FAT2: variants seen among roughly 807,000 people sequenced by gnomAD.
The protein encoded by FAT2 is FAT atypical cadherin 2.
A neutral mutation model predicts 295.3 loss-of-function variants in FAT2; 150 were observed. The observed-to-expected ratio is 0.51, with a 90% CI of 0.44 to 0.58. FAT2 has a LOEUF of 0.58. Ranked by LOEUF, FAT2 falls within the 20% of genes least tolerant of loss-of-function variation. FAT2 has a pLI of 0.00. For synonymous variants in FAT2, 2,026 were observed against 2,150.3 expected (o/e 0.94, Z 1.60); for missense variants, 4,868 against 5,442.7 (o/e 0.89, Z 3.32).
chr5:151,554,050 A>C (rs1347682525), intron 5 of FAT2, among the ~76,000 whole-genome samples: 1 of 152,262 alleles, frequency 6.6e-6, no homozygotes, highest in East Asian at 1.9e-4. Context: ...AACATCACAC[A>C]GGTGTAAAAT....
At position 151,529,382 on chromosome 5, in the gene FAT2, A is replaced by C; in HGVS notation, c.9822T>G (p.Tyr3274Ter). The change falls in exon 15 of 24, where the codon TAT (tyrosine) becomes TAG (stop). Residue 3274 changes from tyrosine (Y) to a stop codon, truncating the protein, a stop_gained. Transcript: ENST00000261800. LOFTEE classifies it high-confidence loss of function. Reference sequence around the variant, plus strand: ...TCTCAAAGTCCAGGCTTGCGTTGACATACAGGATCCCTGAAGAAGCAAGAG... The same window carrying C: ...TCTCAAAGTCCAGGCTTGCGTTGACCTACAGGATCCCTGAAGAAGCAAGAG... The part of the protein sequence containing the change: ...FRLDARTGIL[Y>*]VNASLDFETS... 2 of 1,613,768 alleles carry C rather than the reference A, an allele frequency of 1.2e-6. No individual in the cohort carries two copies. The highest frequency in any genetic ancestry group is 1.7e-6 in the Non-Finnish European group (2 of 1,179,972).
At chr5:151,557,802 G>C (rs1310549674) in intron 3 of FAT2, among the ~76,000 whole-genome samples, 1 of 152,190 alleles carries the variant, frequency 6.6e-6, no homozygotes, top group East Asian at 1.9e-4. Flanking sequence ...GATAGGAATG[G>C]GTTAGGGGTC....
Position 151,512,102 on chromosome 5 carries a change from T to C in FAT2, c.11905+63A>G, listed in dbSNP as rs6862750. The C allele has an allele frequency of 0.74, 1,109,697 of 1,505,156 alleles. 411,572 individuals are homozygous for C. The highest frequency in any genetic ancestry group is 0.95 in the East Asian group (41,565 of 43,812). 93.2% of individuals were successfully genotyped at this position (1,505,156 alleles called of 1,614,324 possible). ...CTCTGAGATCTCCACCCTGACATGC[T>C]TTTCCCACCTGAAGAGCCTTCTGGG... On this transcript the variant is annotated intron_variant, in intron 21 of 23. Coordinates refer to ENST00000261800, the MANE Select transcript of FAT2 (RefSeq NM_001447.3). The surrounding 1 kb of genome is among the most constrained non-coding windows in gnomAD (Gnocchi z 4.1).
chr5:151,561,353 A>G (rs1300332968), intron 3 of FAT2, among the ~76,000 whole-genome samples: 3 of 152,040 alleles, frequency 2.0e-5, no homozygotes, highest in African/African-American at 7.3e-5. Flanking sequence ...CAGACCAGGC[A>G]TGACTTTGTA....
intron 13 of FAT2, among the ~76,000 whole-genome samples, chr5:151,533,475 G>A (rs143819812): frequency 6.6e-6 from 1 of 150,746 alleles, no homozygotes; most frequent in East Asian, 2.0e-4. Flanking sequence ...TGTGTTGACT[G>A]TTTGCCCTCC....
intron 1 of FAT2, among the ~76,000 whole-genome samples, chr5:151,582,115 TG>T (rs1355730014): frequency 6.6e-6 from 1 of 152,230 alleles, no homozygotes; most frequent in East Asian, 1.9e-4. Flanking sequence ...CTGAGCTGGC[TG>T]AACCTGACTG....
At position 151,512,705 on chromosome 5, in the gene FAT2, G is replaced by C. The variant is rs1392812318; in HGVS notation, c.11464-99C>G. The C allele has an allele frequency of 3.5e-6, 4 of 1,130,032 alleles. No individual in the cohort carries two copies. The highest frequency in any genetic ancestry group is 1.6e-5 in the African/African-American group (1 of 63,646). The allele number at this position is 1,130,032 out of a possible 1,614,324, so 70.0% of individuals were successfully genotyped here. ...AAAGAATGTTGTTTGTATTTTTATGGGTAGGAGGGGGGTGTTTGGCTGTTT... is the reference window on the plus strand; with the variant it reads ...AAAGAATGTTGTTTGTATTTTTATGCGTAGGAGGGGGGTGTTTGGCTGTTT... On this transcript the variant is annotated intron_variant, in intron 20 of 23. Transcript: ENST00000261800. This position sits in a 1 kb window ranked among gnomAD's most constrained non-coding sequence, Gnocchi z 4.1.
intron 19 of FAT2, 50 bp downstream of exon 19, chr5:151,521,226 G>T: frequency 1.3e-6 from 2 of 1,532,522 alleles, no homozygotes; most frequent in South Asian, 2.5e-5. Flanking sequence ...AGAGTCAGGC[G>T]GGCTGAGCCC....
At chr5:151,546,937 C>T (rs1490804084) in intron 9 of FAT2, among the ~76,000 whole-genome samples, 1 of 152,136 alleles carries the variant, frequency 6.6e-6, no homozygotes, top group Non-Finnish European at 1.5e-5. Flanking sequence ...TCTCAAGGCT[C>T]CTGAGCAAAT....
At chr5:151,516,629 ATTATGTTTATGT>A (rs1752898129) in intron 20 of FAT2, among the ~76,000 whole-genome samples, 2 of 152,176 alleles carry the variant, frequency 1.3e-5, no homozygotes, top group South Asian at 4.1e-4. Flanking sequence ...TTTCTGAGCT[ATTATGTTTATGT>A]TTATTGTCAG....
Position 151,531,018 on chromosome 5 carries a change from T to C in FAT2, c.9811+569A>G, listed in dbSNP as rs2127590266. ...AATCTGTGTGAGACACAGGCTGACC[T>C]GGGTGGCCTCTGAGGCCCTTCGGTG... On this transcript the variant is annotated intron_variant, in intron 14 of 23. Transcript: ENST00000261800. This position sits in a 1 kb window ranked among gnomAD's most constrained non-coding sequence, Gnocchi z 5.7. Among the ~76,000 whole-genome samples the C allele has an allele frequency of 6.6e-6, 1 of 152,328 alleles. No individual in the cohort carries two copies. The highest frequency in any genetic ancestry group is 1.9e-4 in the East Asian group (1 of 5,188).
intron 3 of FAT2, among the ~76,000 whole-genome samples, chr5:151,559,647 C>G (rs369536349): frequency 3.1e-3 from 477 of 151,812 alleles, no homozygotes; most frequent in African/African-American, 6.8e-3. Context: ...GCCTCTCTCT[C>G]TGTGTGTGTG....
rs1757377123 is a variant in FAT2 at position 151,553,210 on chromosome 5, C to T, written c.4123G>A (p.Gly1375Ser). The T allele has an allele frequency of 1.2e-6, 2 of 1,614,250 alleles. No individual in the cohort carries two copies. The highest frequency in any genetic ancestry group is 1.7e-6 in the Non-Finnish European group (2 of 1,180,042). The change falls in exon 6 of 24, where the codon GGC (glycine) becomes AGC (serine). Residue 1375 changes from glycine to serine, a missense_variant. Physicochemically the swap from Gly to Ser is moderately conservative, Grantham distance 56 (BLOSUM62 0). Around this residue, in one of 5 missense-constraint regions of FAT2, gnomAD observed 3,297 missense variants for 3,669.4 expected, o/e 0.90. Transcript: ENST00000261800. Reference protein sequence around the residue: ...NHMVGVISVEGRPGLFWFNIS... With the variant: ...NHMVGVISVESRPGLFWFNIS... ...TTGAACCAGAAGAGTCCGGGTCTGC[C>T]CTCTACGCTGATGACCCCCACCATG...
intron 1 of FAT2, among the ~76,000 whole-genome samples, chr5:151,583,542 G>A (rs771399879): frequency 1.4e-4 from 22 of 152,164 alleles, no homozygotes; most frequent in Non-Finnish European, 2.8e-4. Flanking sequence ...TACATGGGAG[G>A]GAAGTGGTGA....
intron 1 of FAT2, among the ~76,000 whole-genome samples, chr5:151,571,691 C>G (rs1220937711): frequency 6.6e-6 from 1 of 152,182 alleles, no homozygotes; most frequent in Non-Finnish European, 1.5e-5. Flanking sequence ...GTTTCCTGGC[C>G]CCAGGTTTAG....
At chr5:151,551,976 G>GGT (rs56267278) in intron 6 of FAT2, among the ~76,000 whole-genome samples, 66,648 of 143,418 alleles carry the variant, frequency 0.46, 15,734 homozygotes, top group Non-Finnish European at 0.55. Flanking sequence ...TAACCCTAAG[G>GGT]GTGTGTGTGT....
rs1302877569 is a variant in FAT2, at chr5:151,544,928, G to T, written c.6199C>A (p.Pro2067Thr). The stretch of plus-strand genomic sequence containing the variant: ...TAGGGCAGATGCTTAAATTTGGGGG[G>T]ATTGTCATTGACATCCTCAATAGAG... ...RVSIEDVNDN[P>T]PKFKHLPYYT... The change falls in exon 10 of 24, where the codon CCC (proline) becomes ACC (threonine). Residue 2067 changes from proline (P) to threonine (T), a missense_variant. Coordinates refer to ENST00000261800, the MANE Select transcript of FAT2 (RefSeq NM_001447.3). 1.9e-6 allele frequency: 3 copies of T among 1,614,100 alleles called. No individual in the cohort carries two copies. The highest frequency in any genetic ancestry group is 2.5e-6 in the Non-Finnish European group (3 of 1,180,022).
chr5:151,565,875 G>C lies in FAT2; in HGVS notation c.3057C>G (p.Ile1019Met). The C allele has an allele frequency of 6.2e-7, 1 of 1,613,944 alleles. No individual in the cohort carries two copies. The highest frequency in any genetic ancestry group is 8.5e-7 in the Non-Finnish European group (1 of 1,180,020). ...ARRTLCHVEV[I>M]VLDVNENLHP... ...GGAGATTCTCATTCACATCCAGGAC[G>C]ATCACCTCCACATGGCAGAGAGTCC... Residue 1019 changes from isoleucine (I) to methionine (M), a missense_variant, in exon 2 of 24, where the codon ATC becomes ATG. Ile to Met is a conservative substitution (Grantham distance 10). Coordinates refer to ENST00000261800, the MANE Select transcript of FAT2 (RefSeq NM_001447.3).
At chr5:151,565,645 G>T in intron 2 of FAT2, 28 bp downstream of exon 2, 1 of 1,521,660 alleles carries the variant, frequency 6.6e-7, no homozygotes, top group Non-Finnish European at 8.9e-7. Context: ...TCTGGCCCTG[G>T]CACCCCACCC....
Sources: gnomAD v4.1 joint callset for allele counts (sites outside exome capture counted in the v4.1 genomes callset) on GRCh38, gnomAD v4.1.1 for gene constraint, gnomAD v4.1.1 regional missense constraint, Gnocchi (gnomAD v3.1) non-coding constraint, MANE v1.5 for transcripts, NCBI Gene and HGNC (gene_info 2026-07-23, HGNC 2026-07-21) for gene names.